Variants in RSPH6A observed in about 807,000 individuals in gnomAD.
RSPH6A encodes the protein radial spoke head 6 homolog A.
A neutral mutation model predicts 66.1 loss-of-function variants in RSPH6A; 49 were observed. That is an observed-to-expected ratio of 0.74 (90% confidence interval 0.59 to 0.94). The LOEUF (loss-of-function observed/expected upper bound fraction) is 0.94, where lower values mean the gene tolerates loss of function less well. Among genes scored for constraint, RSPH6A ranks in the 40% least tolerant of loss-of-function variants. The probability of loss-of-function intolerance (pLI) is 0.00; values close to 1 mark genes in which losing one functional copy is unlikely to be tolerated. For missense variants in RSPH6A, 977 were observed against 948.3 expected (o/e 1.03, Z -0.40); for synonymous variants, 419 against 402.4 (o/e 1.04, Z -0.49).
chr19:45,797,317 C>A (rs1970418748), intron 5 of RSPH6A, among the ~76,000 whole-genome samples: 1 of 144,714 alleles, frequency 6.9e-6, no homozygotes, highest in Non-Finnish European at 1.5e-5. Context: ...GGAGGCGGAG[C>A]TTGCAGTGAG....
intron 2 of RSPH6A, among the ~76,000 whole-genome samples, chr19:45,808,657 CTTTTTTTT>C (rs60697395): frequency 9.6e-6 from 1 of 104,224 alleles, no homozygotes; most frequent in Non-Finnish European, 1.9e-5. Flanking sequence ...CAAAACTTAT[CTTTTTTTT>C]TTTTTTTTTT....
chr19:45,799,546 A>G (rs1384710912), intron 5 of RSPH6A, among the ~76,000 whole-genome samples: 1 of 150,334 alleles, frequency 6.7e-6, no homozygotes, highest in Non-Finnish European at 1.5e-5. Flanking sequence ...AAATTTTTTT[A>G]ATTTTTTTTT....
At chr19:45,799,231 C>T (rs918641056) in intron 5 of RSPH6A, among the ~76,000 whole-genome samples, 2 of 151,978 alleles carry the variant, frequency 1.3e-5, no homozygotes, top group Non-Finnish European at 2.9e-5. Flanking sequence ...CTGGTAGGTG[C>T]GCCCACCTCC....
At chr19:45,797,425 T>A (rs1438707058) in intron 5 of RSPH6A, among the ~76,000 whole-genome samples, 2 of 151,382 alleles carry the variant, frequency 1.3e-5, no homozygotes, top group African/African-American at 2.4e-5. Context: ...ACAAAAAAAA[T>A]TAAATTATAT....
intron 2 of RSPH6A, among the ~76,000 whole-genome samples, chr19:45,808,399 C>T (rs987123860): frequency 6.6e-6 from 1 of 151,958 alleles, no homozygotes; most frequent in African/African-American, 2.4e-5. Flanking sequence ...TGCACTCCAG[C>T]CTGGGCGACA....
chr19:45,802,359 T>G, intron 3 of RSPH6A, 95 bp from the exon 4 acceptor site: 1 of 1,160,258 alleles, frequency 8.6e-7, no homozygotes, highest in Non-Finnish European at 1.1e-6. Flanking sequence ...CATAGCCTTG[T>G]CCTCAGAGAC....
intron 3 of RSPH6A, among the ~76,000 whole-genome samples, chr19:45,803,799 C>G (rs1384802506): frequency 6.6e-6 from 1 of 151,346 alleles, no homozygotes. Context: ...TTGAGACCAG[C>G]TTGGGCAACA....
chr19:45,802,598 C>CT (rs1970487271), intron 3 of RSPH6A, among the ~76,000 whole-genome samples: 2 of 150,618 alleles, frequency 1.3e-5, no homozygotes, highest in Non-Finnish European at 2.9e-5. Flanking sequence ...CCTCTGCCTC[C>CT]CGGTTTAAGT....
intron 3 of RSPH6A, among the ~76,000 whole-genome samples, chr19:45,803,482 G>A (rs190518827): frequency 1.3e-5 from 2 of 152,194 alleles, no homozygotes; most frequent in East Asian, 3.9e-4. Flanking sequence ...TTTGAGACCA[G>A]CCTGACCAAC....
intron 1 of RSPH6A, among the ~76,000 whole-genome samples, chr19:45,811,573 G>T (rs542568726): frequency 3.4e-4 from 51 of 151,856 alleles, no homozygotes; most frequent in Non-Finnish European, 6.5e-4. Flanking sequence ...AAGTAGCTGG[G>T]ATTACAGGCA....
At chr19:45,801,308 G>A (rs559806201) in intron 4 of RSPH6A, among the ~76,000 whole-genome samples, 2 of 152,320 alleles carry the variant, frequency 1.3e-5, no homozygotes, top group East Asian at 1.9e-4. Context: ...TCCCGAGTTG[G>A]TCATCGGTTT....
chr19:45,810,645 A>C lies in RSPH6A; in HGVS notation c.846T>G (p.Ser282Arg). The change falls in exon 2 of 6, where the codon AGT becomes AGG. Residue 282 changes from serine (S) to arginine (R), a missense_variant. Physicochemically the swap from Ser to Arg is moderately radical, Grantham distance 110. Coordinates refer to ENST00000221538, the MANE Select transcript of RSPH6A (RefSeq NM_030785.4). ...AEKQKALFTR[S>R]GGGTEGEQEM... Reference sequence around the variant, plus strand: ...CCTGTTCGCCTTCAGTGCCGCCTCCACTCCGGGTGAACAGCGCCTTCTGTT... The same window carrying C: ...CCTGTTCGCCTTCAGTGCCGCCTCCCCTCCGGGTGAACAGCGCCTTCTGTT... The C allele has an allele frequency of 1.2e-6, 2 of 1,606,824 alleles. No individual in the cohort carries two copies. Among genetic ancestry groups the C allele is most frequent in the Non-Finnish European group, 1.7e-6 (2 of 1,178,464 alleles).
At position 45,808,963 on chromosome 19, in the gene RSPH6A, G is replaced by A. The variant is rs186856479; in HGVS notation, c.888+1640C>T. 2.1e-3 allele frequency among the ~76,000 whole-genome samples: 313 copies of A among 150,462 alleles called. 3 individuals are homozygous for A. Among genetic ancestry groups the A allele is most frequent in the African/African-American group, 7.0e-3 (286 of 41,122 alleles). On this transcript the variant is annotated intron_variant, in intron 2 of 5. Coordinates refer to ENST00000221538, the MANE Select transcript of RSPH6A (RefSeq NM_030785.4). ...ATTATAGGCGTGAGCCATCAAGCCC[G>A]GCCGAGAATAGTCAAAACTTTTCTT...
chr19:45,808,962 C>T (rs529089318), intron 2 of RSPH6A, among the ~76,000 whole-genome samples: 16 of 146,976 alleles, frequency 1.1e-4, no homozygotes, highest in South Asian at 2.2e-4. Flanking sequence ...CCATCAAGCC[C>T]GGCCGAGAAT....
At position 45,804,736 on chromosome 19, in the gene RSPH6A, T is replaced by C. The variant is rs1568599389; in HGVS notation, c.1169A>G (p.Glu390Gly). ...CTTCTCCTCGTCCTCCTCGCCCTCCTCCTCGCCGTGCGCCTCCATGACCTC... is the reference window on the plus strand; with the variant it reads ...CTTCTCCTCGTCCTCCTCGCCCTCCCCCTCGCCGTGCGCCTCCATGACCTC... ...GGEVMEAHGEEEGEEDEEKAV... is the reference protein window; with the variant it reads ...GGEVMEAHGEGEGEEDEEKAV... Residue 390 changes from glutamate (E) to glycine (G), a missense_variant, in exon 3 of 6, where the codon GAG (glutamate) becomes GGG (glycine). By Grantham distance (98) the Glu-to-Gly change is moderately conservative. Transcript: ENST00000221538. The surrounding 1 kb of genome is among the most constrained non-coding windows in gnomAD (Gnocchi z 5.8). The C allele has an allele frequency of 6.2e-7, 1 of 1,612,944 alleles. No homozygotes were observed. The highest frequency in any genetic ancestry group is 8.5e-7 in the Non-Finnish European group (1 of 1,179,548).
At chr19:45,799,942 G>A (rs1042796602) in intron 5 of RSPH6A, among the ~76,000 whole-genome samples, 5 of 152,196 alleles carry the variant, frequency 3.3e-5, no homozygotes, top group African/African-American at 1.2e-4. Context: ...AGCTACTAGG[G>A]AGGCTGAGGG....
At chr19:45,803,211 A>G (rs1342332001) in intron 3 of RSPH6A, among the ~76,000 whole-genome samples, 2 of 58,634 alleles carry the variant, frequency 3.4e-5, no homozygotes, top group South Asian at 4.9e-4. Flanking sequence ...TCCGTCTCAG[A>G]AAAAAAAAAA....
chr19:45,812,667 C>T (rs776214438), intron 1 of RSPH6A, among the ~76,000 whole-genome samples: 10 of 151,952 alleles, frequency 6.6e-5, no homozygotes, highest in South Asian at 2.1e-4. Flanking sequence ...GTTTGGTCAG[C>T]GGCCAGGGGC....
At chr19:45,803,948 G>A (rs1482830156) in intron 3 of RSPH6A, among the ~76,000 whole-genome samples, 5 of 144,218 alleles carry the variant, frequency 3.5e-5, no homozygotes, top group African/African-American at 7.7e-5. Context: ...AGCCGAGATC[G>A]TACCACTGCA....
Sources: allele counts gnomAD v4.1 joint callset (sites outside exome capture counted in the v4.1 genomes callset), GRCh38; gene constraint gnomAD v4.1.1; non-coding constraint Gnocchi (gnomAD v3.1); transcripts MANE v1.5; gene names NCBI Gene and HGNC (gene_info 2026-07-23, HGNC 2026-07-21).